FLRT1: variants seen among roughly 807,000 people sequenced by gnomAD.
The protein encoded by FLRT1 is fibronectin leucine rich transmembrane protein 1, also known as leucine-rich repeat transmembrane protein FLRT1.
In FLRT1, 14 loss-of-function variants were observed where a neutral mutation model predicts 30.9. The observed-to-expected ratio is 0.45, with a 90% CI of 0.30 to 0.71. The LOEUF is 0.71. Ranked by LOEUF, FLRT1 falls within the 30% of genes least tolerant of loss-of-function variation. The pLI, the probability that FLRT1 is intolerant of heterozygous loss-of-function variation, is 0.08. For missense variants in FLRT1, 737 were observed against 949.2 expected, an observed-to-expected ratio of 0.78 and a Z score of 2.94; for synonymous variants, 368 against 430.4, an observed-to-expected ratio of 0.85 and a Z score of 1.80.
In FLRT1 at chr11:64,049,922, G is replaced by T. The variant is rs554226405; in HGVS notation, c.-1038+13763G>T. Among the ~76,000 whole-genome samples, 82 of 152,318 alleles carry T rather than the reference G, an allele frequency of 5.4e-4. 3 individuals carry two copies. In the South Asian group the frequency reaches 0.017, roughly 31 times the overall value. The stretch of plus-strand genomic sequence containing the variant: ...CCCAGACCAAGACGCTGTGGCCCCG[G>T]GGGGGAGGCCAAACCTCTCTCAGAG... On this transcript the variant is annotated intron_variant, in intron 1 of 2. Coordinates refer to ENST00000682287, the MANE Select transcript of FLRT1 (RefSeq NM_013280.5).
chr11:64,117,216 C>G lies in FLRT1; in HGVS notation c.949C>G (p.Leu317Val). ...GCTGCCCCGCGGCCTGTTCGACGAC[C>G]TGGGGAACCTGGCCCAGCTGCTGCT... ...TTLPRGLFDDLGNLAQLLLRN... is the reference protein window; with the variant it reads ...TTLPRGLFDDVGNLAQLLLRN... The change falls in exon 3 of 3, where the codon CTG (leucine) becomes GTG (valine). Residue 317 changes from leucine (L) to valine (V), a missense_variant. Transcript: ENST00000682287. 3 of 1,614,180 alleles carry G rather than the reference C, an allele frequency of 1.9e-6. No homozygotes were observed. The highest frequency in any genetic ancestry group is 2.5e-6 in the Non-Finnish European group (3 of 1,180,022).
intron 1 of FLRT1, among the ~76,000 whole-genome samples, chr11:64,086,525 C>T (rs1375062794): frequency 6.6e-6 from 1 of 152,116 alleles, no homozygotes; most frequent in Non-Finnish European, 1.5e-5. Context: ...CGCCCTGCCC[C>T]AGGCTGAGTT....
intron 1 of FLRT1, among the ~76,000 whole-genome samples, chr11:64,051,632 G>C (rs1156612644): frequency 6.6e-6 from 1 of 152,220 alleles, no homozygotes; most frequent in African/African-American, 2.4e-5. Context: ...GCGGGCAGTG[G>C]GCTGGTGGCA....
chr11:64,086,090 G>C (rs1324674775), intron 1 of FLRT1, among the ~76,000 whole-genome samples: 1 of 152,298 alleles, frequency 6.6e-6, no homozygotes, highest in South Asian at 2.1e-4. Context: ...GAGCTGAGTC[G>C]GCTGGGCCAG....
In FLRT1 at chr11:64,119,013, C is replaced by G. The variant is rs535436124; in HGVS notation, c.*721C>G. The G allele has an allele frequency of 6.0e-6, 1 of 167,330 alleles. No individual in the cohort carries two copies. Among genetic ancestry groups the G allele is most frequent in the South Asian group, 2.1e-4 (1 of 4,832 alleles). The allele number at this position is 167,330 out of a possible 1,614,324, so 10.4% of individuals were successfully genotyped here. A position where few individuals can be genotyped will look rare whatever the true frequency, so the allele number is the denominator to read the frequency against. On this transcript the variant is annotated 3_prime_UTR_variant, in exon 3 of 3. Coordinates refer to ENST00000682287, the MANE Select transcript of FLRT1 (RefSeq NM_013280.5). ...GCTCCGTAGAAGCCCCGGCGGAAGC[C>G]GTAGCTTTCCCTGCCACCTGGAGGT...
intron 1 of FLRT1, chr11:64,060,320 T>G (rs1943875922): frequency 6.6e-6 from 1 of 152,184 alleles, no homozygotes; most frequent in South Asian, 2.1e-4. Context: ...GGGCCTCAGT[T>G]TCCTCATCTG....
intron 1 of FLRT1, among the ~76,000 whole-genome samples, chr11:64,102,370 C>T (rs534467265): frequency 1.3e-5 from 2 of 152,132 alleles, no homozygotes; most frequent in African/African-American, 4.8e-5. Flanking sequence ...ACTGACCCCC[C>T]ACCTAGGAAG....
At chr11:64,095,850 C>T (rs1472675022) in intron 1 of FLRT1, among the ~76,000 whole-genome samples, 1 of 152,092 alleles carries the variant, frequency 6.6e-6, no homozygotes, top group Non-Finnish European at 1.5e-5. Context: ...AATGGAGGAG[C>T]GCGAGGCTGA....
At chr11:64,078,807 AG>A (rs1944251244) in intron 1 of FLRT1, among the ~76,000 whole-genome samples, 1 of 103,958 alleles carries the variant, frequency 9.6e-6, no homozygotes, top group Non-Finnish European at 2.0e-5. Flanking sequence ...CTCTCTGAGC[AG>A]GGGGTGTGGG....
chr11:64,094,158 C>T (rs1057123034), intron 1 of FLRT1, among the ~76,000 whole-genome samples: 3 of 152,180 alleles, frequency 2.0e-5, no homozygotes, highest in Non-Finnish European at 4.4e-5. Context: ...TTAGGCTGGG[C>T]GTGGTGGCTC....
intron 1 of FLRT1, among the ~76,000 whole-genome samples, chr11:64,046,711 C>G (rs551111134): frequency 6.9e-4 from 105 of 151,916 alleles, no homozygotes; most frequent in Admixed American, 2.5e-3. Context: ...GTTGGTCAGG[C>G]TGGCCTTGAA....
intron 1 of FLRT1, among the ~76,000 whole-genome samples, chr11:64,094,999 C>T (rs1425744871): frequency 6.6e-6 from 1 of 152,158 alleles, no homozygotes; most frequent in East Asian, 1.9e-4. Flanking sequence ...CTTCAAAGAG[C>T]CTCGTTATTA....
At chr11:64,049,010 C>G (rs547888424) in intron 1 of FLRT1, among the ~76,000 whole-genome samples, 1 of 152,184 alleles carries the variant, frequency 6.6e-6, no homozygotes. Context: ...ACTGGGGTGC[C>G]GGCTGCCTCC....
At position 64,068,188 on chromosome 11, in the gene FLRT1, G is replaced by T. The variant is rs372231800; in HGVS notation, c.-1038+32029G>T. 2.0e-5 allele frequency among the ~76,000 whole-genome samples: 3 copies of T among 152,220 alleles called. No homozygotes were observed. In the East Asian group the frequency reaches 5.8e-4, roughly 29 times the overall value. ...CAGGACTCACGCTTCGGGAGTGTTGGCAACGGTTCTGCCTTCTGTTCAGGT... is the reference window on the plus strand; with the variant it reads ...CAGGACTCACGCTTCGGGAGTGTTGTCAACGGTTCTGCCTTCTGTTCAGGT... On this transcript the variant is annotated intron_variant, in intron 1 of 2. Transcript: ENST00000682287.
intron 1 of FLRT1, among the ~76,000 whole-genome samples, chr11:64,084,292 C>A (rs1334651764): frequency 6.6e-6 from 1 of 152,160 alleles, no homozygotes; most frequent in African/African-American, 2.4e-5. Flanking sequence ...TGGCCAGAGG[C>A]AGCAGGAACA....
chr11:64,083,834 T>C (rs993291742), intron 1 of FLRT1, among the ~76,000 whole-genome samples: 1 of 152,152 alleles, frequency 6.6e-6, no homozygotes, highest in Non-Finnish European at 1.5e-5. Context: ...GACCGACGGA[T>C]CTGCCAGGGC....
chr11:64,048,594 G>A (rs964570972), intron 1 of FLRT1, among the ~76,000 whole-genome samples: 1 of 152,176 alleles, frequency 6.6e-6, no homozygotes, highest in Non-Finnish European at 1.5e-5. Flanking sequence ...GGCAGCAGGG[G>A]CTGCAGCCCC....
intron 1 of FLRT1, among the ~76,000 whole-genome samples, chr11:64,077,984 C>T (rs1944234626): frequency 6.6e-6 from 1 of 152,006 alleles, no homozygotes; most frequent in African/African-American, 2.4e-5. Context: ...TCCCCTGCCT[C>T]CTCCTCAGCG....
At chr11:64,048,738 A>G (rs1943633656) in intron 1 of FLRT1, among the ~76,000 whole-genome samples, 2 of 152,282 alleles carry the variant, frequency 1.3e-5, no homozygotes, top group South Asian at 4.1e-4. Context: ...AGGGTTAGGA[A>G]ATTCAACCCA....
Sources: gnomAD v4.1 joint callset for allele counts (sites outside exome capture counted in the v4.1 genomes callset) on GRCh38, gnomAD v4.1.1 for gene constraint, MANE v1.5 for transcripts, NCBI Gene and HGNC (gene_info 2026-07-23, HGNC 2026-07-21) for gene names.